The following QNG1 variants were observed in gnomAD, a reference collection of about 807,000 sequenced individuals.
QNG1 encodes queuosine 5'-phosphate N-glycosylase/hydrolase.
At chr9:83,949,038 C>CT in the QNG1 span, among the ~76,000 whole-genome samples, 1 of 63,038 alleles carries the variant, frequency 1.6e-5, no homozygotes, top group African/African-American at 2.0e-4. Context: ...CCACTATTGT[C>CT]GATGACCCTG....
the QNG1 span, among the ~76,000 whole-genome samples, chr9:83,948,831 C>T: frequency 6.6e-6 from 1 of 152,272 alleles, no homozygotes; most frequent in Non-Finnish European, 1.5e-5. Context: ...GCTGGGTCCA[C>T]TCAGGGTTAA....
the QNG1 span, chr9:83,938,724 T>C: frequency 6.7e-6 from 1 of 149,586 alleles, no homozygotes; most frequent in African/African-American, 2.5e-5. Context: ...AATGATAAAG[T>C]TGGGAATACA....
chr9:83,955,636 T>C, the QNG1 span: 1 of 1,610,154 alleles, frequency 6.2e-7, no homozygotes, highest in Non-Finnish European at 8.5e-7. Flanking sequence ...TAGTTATTGG[T>C]ATCCCTTTAG....
chr9:83,946,032 C>CA, the QNG1 span, among the ~76,000 whole-genome samples: 8 of 151,954 alleles, frequency 5.3e-5, no homozygotes, highest in Non-Finnish European at 1.2e-4. Flanking sequence ...ATAGGCCAGG[C>CA]ATGGTGGCTC....
the QNG1 span, among the ~76,000 whole-genome samples, chr9:83,941,872 C>T: frequency 2.0e-3 from 303 of 151,154 alleles, 2 homozygotes; most frequent in African/African-American, 6.6e-3. Flanking sequence ...GAGATGGCGC[C>T]ATTGCACTGG....
chr9:83,948,508 CG>C, the QNG1 span, among the ~76,000 whole-genome samples: 1 of 113,952 alleles, frequency 8.8e-6, no homozygotes, highest in South Asian at 3.2e-4. Flanking sequence ...CCGCCCTGTC[CG>C]GGAGGGGGGG....
At chr9:83,946,382 A>T in the QNG1 span, among the ~76,000 whole-genome samples, 1 of 152,200 alleles carries the variant, frequency 6.6e-6, no homozygotes, top group South Asian at 2.1e-4. Flanking sequence ...AGAGAACCAC[A>T]ACATTCATTT....
chr9:83,943,331 CAAAAAAAAAA>C, the QNG1 span, among the ~76,000 whole-genome samples: 13 of 62,550 alleles, frequency 2.1e-4, no homozygotes, highest in Admixed American at 4.8e-4. Context: ...CAGAGCGTCT[CAAAAAAAAAA>C]AAAAAAAAAA....
chr9:83,956,504 G>T, the QNG1 span: 15 of 1,518,528 alleles, frequency 9.9e-6, no homozygotes, highest in African/African-American at 1.4e-5. Context: ...CGTCCATTCT[G>T]CCCTTTGGGA....
At chr9:83,951,435 C>A in the QNG1 span, among the ~76,000 whole-genome samples, 7 of 152,180 alleles carry the variant, frequency 4.6e-5, no homozygotes, top group Admixed American at 1.3e-4. Flanking sequence ...TGGTGCGCAC[C>A]TCTAATCCCA....
chr9:83,946,834 G>C, the QNG1 span, among the ~76,000 whole-genome samples: 1 of 152,142 alleles, frequency 6.6e-6, no homozygotes, highest in East Asian at 1.9e-4. Context: ...CCTGACCTCA[G>C]GCGATCCGTG....
chr9:83,956,024 G>A, the QNG1 span: 3 of 737,520 alleles, frequency 4.1e-6, no homozygotes, highest in Non-Finnish European at 6.7e-6. Context: ...TCTATTTTAA[G>A]CATAAGGACT....
At chr9:83,956,512 G>T in the QNG1 span, 1 of 1,516,770 alleles carries the variant, frequency 6.6e-7, no homozygotes, top group Non-Finnish European at 8.8e-7. Flanking sequence ...CTGCCCTTTG[G>T]GACCCGGCGG....
chr9:83,956,261 C>G, the QNG1 span: 13 of 1,614,136 alleles, frequency 8.1e-6, no homozygotes, highest in Non-Finnish European at 1.0e-5. Flanking sequence ...CGTCCTGCTC[C>G]GACCAAAAGG....
chr9:83,956,513 G>A, the QNG1 span: 1 of 1,516,536 alleles, frequency 6.6e-7, no homozygotes, highest in Non-Finnish European at 8.8e-7. Context: ...TGCCCTTTGG[G>A]ACCCGGCGGG....
chr9:83,947,171 T>C, the QNG1 span, among the ~76,000 whole-genome samples: 1 of 152,134 alleles, frequency 6.6e-6, no homozygotes, highest in African/African-American at 2.4e-5. Context: ...CTAATACCAA[T>C]AGTAATAACC....
the QNG1 span, chr9:83,955,716 GAATT>G: frequency 3.1e-5 from 43 of 1,378,200 alleles, no homozygotes; most frequent in South Asian, 5.1e-4. Flanking sequence ...TTACAACATG[GAATT>G]AATATGAAAC....
At chr9:83,938,776 A>T in the QNG1 span, 1 of 151,016 alleles carries the variant, frequency 6.6e-6, no homozygotes, top group Non-Finnish European at 1.5e-5. Context: ...CAAGGTCTCC[A>T]TCTGTTGCCC....
At chr9:83,940,390 G>T in the QNG1 span, among the ~76,000 whole-genome samples, 30 of 152,038 alleles carry the variant, frequency 2.0e-4, no homozygotes, top group Non-Finnish European at 3.7e-4. Flanking sequence ...GAAGACAGAG[G>T]TTGCAGTGAG....
Sources: allele counts gnomAD v4.1 joint callset (sites outside exome capture counted in the v4.1 genomes callset), GRCh38; gene constraint gnomAD v4.1.1; transcripts MANE v1.5; gene names NCBI Gene and HGNC (gene_info 2026-07-23, HGNC 2026-07-21).